Variants in LAPTM5 observed in about 807,000 individuals in gnomAD.
The protein encoded by LAPTM5 is lysosomal-associated transmembrane protein 5.
A neutral mutation model predicts 30.1 loss-of-function variants in LAPTM5; 11 were observed. That is an observed-to-expected ratio of 0.37 (90% CI 0.23 to 0.60). LAPTM5 has a LOEUF of 0.60. Among genes scored for constraint, LAPTM5 ranks in the 20% least tolerant of loss-of-function variants. The pLI, the probability that LAPTM5 is intolerant of heterozygous loss-of-function variation, is 0.71. For synonymous variants in LAPTM5, 151 were observed against 137.9 expected (o/e 1.10, Z -0.67); for missense variants, 324 against 332.5 (o/e 0.97, Z 0.20).
rs1050952417 is a variant in LAPTM5 at position 30,744,852 on chromosome 1, C to T, written c.88-2303G>A. Among the ~76,000 whole-genome samples the T allele has an allele frequency of 2.6e-5, 4 of 152,238 alleles. No individual in the cohort carries two copies. In the South Asian group the frequency reaches 8.3e-4, roughly 32 times the overall value. On this transcript the variant is annotated intron_variant, in intron 1 of 7. Coordinates refer to ENST00000294507, the MANE Select transcript of LAPTM5 (RefSeq NM_006762.3). ...ATGTCAGTAAAACCTTTTGCACACA[C>T]GCCTCTATTTTTCTTTCTTTCTAAA...
intron 1 of LAPTM5, among the ~76,000 whole-genome samples, chr1:30,745,546 A>G (rs1378041010): frequency 2.0e-5 from 3 of 152,088 alleles, no homozygotes; most frequent in Non-Finnish European, 2.9e-5. Context: ...TTTTCTCAAC[A>G]ACCCTGCGGC....
intron 1 of LAPTM5, among the ~76,000 whole-genome samples, chr1:30,745,283 T>C (rs1391607060): frequency 6.6e-6 from 1 of 152,154 alleles, no homozygotes; most frequent in African/African-American, 2.4e-5. Flanking sequence ...TCCCAGCTGG[T>C]CATATGCAGG....
chr1:30,740,775 C>G (rs1639959233), intron 3 of LAPTM5, among the ~76,000 whole-genome samples: 1 of 152,194 alleles, frequency 6.6e-6, no homozygotes, highest in Non-Finnish European at 1.5e-5. Flanking sequence ...CAAACGGCCT[C>G]CCCAGGCAGC....
intron 1 of LAPTM5, among the ~76,000 whole-genome samples, chr1:30,745,527 C>G (rs1640030452): frequency 6.6e-6 from 1 of 152,232 alleles, no homozygotes; most frequent in East Asian, 1.9e-4. Flanking sequence ...CACCCTCCCC[C>G]ATTTCACCTT....
In LAPTM5 at chr1:30,733,997, C is replaced by T. The variant is rs542668390; in HGVS notation, c.700-80G>A. 12 of 1,454,000 alleles carry T rather than the reference C, an allele frequency of 8.3e-6. No individual in the cohort carries two copies. The Admixed American group carries it at 1.2e-4, about 14-fold the overall frequency. The allele number at this position is 1,454,000 out of a possible 1,614,324, so 90.1% of individuals were successfully genotyped here. On this transcript the variant is annotated intron_variant, in intron 7 of 7. Transcript: ENST00000294507. ...CAACCTGGGGTCATGGGACCCAAACCCCCACCTCTGGCAAAATGATGATGA... is the reference window on the plus strand; with the variant it reads ...CAACCTGGGGTCATGGGACCCAAACTCCCACCTCTGGCAAAATGATGATGA...
intron 1 of LAPTM5, 98 bp from the exon 2 acceptor site, chr1:30,742,647 G>A: frequency 1.1e-6 from 1 of 930,250 alleles, no homozygotes; most frequent in Middle Eastern, 2.1e-4. Flanking sequence ...AGCCAGTAGT[G>A]GGGATCCTGG....
chr1:30,750,784 GC>G (rs1640124657), intron 1 of LAPTM5, among the ~76,000 whole-genome samples: 1 of 152,216 alleles, frequency 6.6e-6, no homozygotes, highest in Non-Finnish European at 1.5e-5. Context: ...TAAAATGGAG[GC>G]CCCCGTGGCA....
rs994722575 is a variant in LAPTM5, at chr1:30,740,531, A to G, written c.259-594T>C. Among the ~76,000 whole-genome samples the G allele has an allele frequency of 7.9e-5, 12 of 152,092 alleles. 1 individual carries two copies. The East Asian group carries it at 1.7e-3, about 22-fold the overall frequency. ...GCTGAAGTCCCTCTTCTTCAATTGA[A>G]AGCAAGTGACCACCATGACCAGTAT... On this transcript the variant is annotated intron_variant, in intron 3 of 7. Transcript: ENST00000294507.
intron 1 of LAPTM5, among the ~76,000 whole-genome samples, chr1:30,756,250 C>T (rs1385063569): frequency 3.3e-5 from 5 of 152,224 alleles, no homozygotes; most frequent in Non-Finnish European, 7.3e-5. Flanking sequence ...ATTTGCTTCT[C>T]TCAGCTCTTG....
Position 30,746,759 on chromosome 1 carries a change from C to T in LAPTM5, c.88-4210G>A, listed in dbSNP as rs1640052531. On this transcript the variant is annotated intron_variant, in intron 1 of 7. Coordinates refer to ENST00000294507, the MANE Select transcript of LAPTM5 (RefSeq NM_006762.3). The surrounding 1 kb of genome is among the most constrained non-coding windows in gnomAD (Gnocchi z 4.0). Reference sequence around the variant, plus strand: ...GCCGAGCTCTGCACCCTTGAGCCAGCCACTAACCTCTCTGGGCCTCGGCTC... The same window carrying T: ...GCCGAGCTCTGCACCCTTGAGCCAGTCACTAACCTCTCTGGGCCTCGGCTC... 6.6e-6 allele frequency among the ~76,000 whole-genome samples: 1 copy of T among 152,208 alleles called. No homozygotes were observed. The highest frequency in any genetic ancestry group is 2.4e-5 in the African/African-American group (1 of 41,452).
chr1:30,743,978 CCT>C (rs1329276994), intron 1 of LAPTM5, among the ~76,000 whole-genome samples: 1 of 152,134 alleles, frequency 6.6e-6, no homozygotes, highest in African/African-American at 2.4e-5. Flanking sequence ...AGTCTCTTAA[CCT>C]CTCTGAGTTT....
chr1:30,736,964 C>T (rs1178613142), intron 6 of LAPTM5, among the ~76,000 whole-genome samples: 1 of 152,114 alleles, frequency 6.6e-6, no homozygotes, highest in Non-Finnish European at 1.5e-5. Context: ...GCTGAATAAA[C>T]GCTCAGGTCT....
At chr1:30,738,809 G>A in intron 5 of LAPTM5, 131 bp downstream of exon 5, 1 of 1,021,334 alleles carries the variant, frequency 9.8e-7, no homozygotes, top group Non-Finnish European at 1.4e-6. Context: ...TAAATCACCA[G>A]CACAAGAATC....
chr1:30,753,678 A>G (rs1016905723), intron 1 of LAPTM5, among the ~76,000 whole-genome samples: 1 of 152,232 alleles, frequency 6.6e-6, no homozygotes, highest in Non-Finnish European at 1.5e-5. Flanking sequence ...GTGAAGACTA[A>G]ATGTAACGCG....
chr1:30,737,396 G>T (rs553922714), intron 6 of LAPTM5, among the ~76,000 whole-genome samples: 1 of 152,058 alleles, frequency 6.6e-6, no homozygotes, highest in Non-Finnish European at 1.5e-5. Flanking sequence ...TGGCCTTTAC[G>T]GATTCACATG....
intron 7 of LAPTM5, 135 bp from the exon 8 acceptor site, chr1:30,734,052 A>G (rs1639853779): frequency 4.1e-6 from 4 of 983,094 alleles, no homozygotes; most frequent in Admixed American, 2.6e-5. Context: ...GATATTTGCT[A>G]TGTGCTAGAC....
intron 1 of LAPTM5, among the ~76,000 whole-genome samples, chr1:30,747,930 TG>T (rs1640071705): frequency 6.6e-6 from 1 of 151,906 alleles, no homozygotes; most frequent in African/African-American, 2.4e-5. Flanking sequence ...GTGACAGTGA[TG>T]GGGGTGACGG....
intron 6 of LAPTM5, 140 bp downstream of exon 6, chr1:30,737,464 A>G (rs535063622): frequency 6.6e-6 from 4 of 603,990 alleles, no homozygotes; most frequent in African/African-American, 5.6e-5. Flanking sequence ...GGCATGGGAA[A>G]GCAAGAGAAA....
intron 1 of LAPTM5, among the ~76,000 whole-genome samples, chr1:30,753,878 T>C (rs1409210938): frequency 1.3e-5 from 2 of 152,248 alleles, no homozygotes; most frequent in Non-Finnish European, 2.9e-5. Context: ...ATCTGTACTG[T>C]GTTTGCAATA....
Sources: allele counts gnomAD v4.1 joint callset (sites outside exome capture counted in the v4.1 genomes callset), GRCh38; gene constraint gnomAD v4.1.1; non-coding constraint Gnocchi (gnomAD v3.1); transcripts MANE v1.5; gene names NCBI Gene and HGNC (gene_info 2026-07-23, HGNC 2026-07-21).